ZNF365: variants seen among roughly 807,000 people sequenced by gnomAD.
ZNF365 encodes zinc finger protein 365, also known as protein ZNF365.
In ZNF365, 22 loss-of-function variants were observed where a neutral mutation model predicts 35.0. The ratio of observed to expected loss-of-function variants is 0.63; its 90% CI spans 0.45 to 0.90. The LOEUF (loss-of-function observed/expected upper bound fraction) is 0.90, where lower values mean the gene tolerates loss of function less well. Ranked by LOEUF, ZNF365 falls within the 40% of genes least tolerant of loss-of-function variation. The pLI, the probability that ZNF365 is intolerant of heterozygous loss-of-function variation, is 0.00. For synonymous variants in ZNF365, 188 were observed against 196.2 expected (o/e 0.96, Z 0.35); for missense variants, 448 against 500.3 (o/e 0.90, Z 1.00).
chr10:62,401,125 T>TA lies in ZNF365; in HGVS notation c.*1337dup. ...AAACAGGAATAATTTTGTCCACAAA[T>TA]ATATACATATATACATATATATAAC... is the stretch of plus-strand genomic sequence containing the variant. On this transcript the variant is annotated 3_prime_UTR_variant, in exon 5 of 5. Transcript: ENST00000395254. 1.0e-6 allele frequency: 1 copy of TA among 963,758 alleles called. No individual in the cohort carries two copies. The highest frequency in any genetic ancestry group is 1.2e-6 in the Non-Finnish European group (1 of 810,384). 59.7% of individuals were successfully genotyped at this position (963,758 alleles called of 1,614,324 possible).
intron 3 of ZNF365, among the ~76,000 whole-genome samples, chr10:62,432,061 G>A (rs894979606): frequency 1.3e-5 from 2 of 152,076 alleles, no homozygotes; most frequent in African/African-American, 2.4e-5. Context: ...ATAAAGTGTT[G>A]GAAGATGTTT....
intron 2 of ZNF365, among the ~76,000 whole-genome samples, chr10:62,381,504 A>C (rs1456111505): frequency 2.0e-5 from 3 of 151,822 alleles, no homozygotes; most frequent in Non-Finnish European, 4.4e-5. Flanking sequence ...TTTTTCCCCC[A>C]AAGCGTCAAG....
At chr10:62,412,102 T>C (rs945251477) in intron 3 of ZNF365, among the ~76,000 whole-genome samples, 1 of 152,144 alleles carries the variant, frequency 6.6e-6, no homozygotes, top group Non-Finnish European at 1.5e-5. Context: ...TCAAATTGGC[T>C]TCTTCCCTGG....
chr10:62,432,748 G>C (rs1840353245), intron 3 of ZNF365, among the ~76,000 whole-genome samples: 1 of 151,984 alleles, frequency 6.6e-6, no homozygotes, highest in South Asian at 2.1e-4. Flanking sequence ...ACAGAAGACG[G>C]GCAATTTTGC....
chr10:62,429,773 A>G (rs1001693532), intron 3 of ZNF365, among the ~76,000 whole-genome samples: 2 of 152,148 alleles, frequency 1.3e-5, no homozygotes, highest in African/African-American at 4.8e-5. Context: ...TCTTTTGCCC[A>G]TCAAAAACTA....
intron 4 of ZNF365, among the ~76,000 whole-genome samples, chr10:62,399,157 A>G (rs1360055056): frequency 6.6e-6 from 1 of 152,202 alleles, no homozygotes; most frequent in Non-Finnish European, 1.5e-5. Context: ...ACATCTATGC[A>G]GTGAATTTGT....
chr10:62,430,121 A>G (rs1020782573), intron 3 of ZNF365, among the ~76,000 whole-genome samples: 2 of 152,298 alleles, frequency 1.3e-5, no homozygotes, highest in African/African-American at 4.8e-5. Flanking sequence ...TTTGAAGAAC[A>G]TCCTTGTACC....
chr10:62,421,794 T>C (rs10733776), intron 3 of ZNF365, among the ~76,000 whole-genome samples: 93,255 of 151,822 alleles, frequency 0.61, 29,325 homozygotes, highest in East Asian at 0.84. Flanking sequence ...AGCATTAACT[T>C]ATCTGTTTGC....
intron 3 of ZNF365, among the ~76,000 whole-genome samples, chr10:62,394,010 AC>A (rs1839680206): frequency 6.6e-6 from 1 of 152,222 alleles, no homozygotes; most frequent in Non-Finnish European, 1.5e-5. Context: ...ACATTATGAC[AC>A]AGTCTGCAGA....
In ZNF365 at chr10:62,389,440, T is replaced by TTG. The variant is rs1839587137; in HGVS notation, c.924+865_924+866insGT. 1.2e-4 allele frequency among the ~76,000 whole-genome samples: 4 copies of TTG among 32,226 alleles called. No homozygotes were observed. The South Asian group carries it at 6.5e-3, about 53-fold the overall frequency. The allele number at this position is 32,226 out of a possible 152,430, so 21.1% of individuals were successfully genotyped here. Reference sequence around the variant, plus strand: ...CCTAGCAGATTTAAAAATAGTTTTGTTTTTTTTTTTACTGCTTCCACCCCC... The same window carrying TTG: ...CCTAGCAGATTTAAAAATAGTTTTGTTGTTTTTTTTTTACTGCTTCCACCCCC... On this transcript the variant is annotated intron_variant, in intron 3 of 4. Coordinates refer to ENST00000395254, the MANE Select transcript of ZNF365 (RefSeq NM_014951.3).
intron 4 of ZNF365, 61 bp downstream of exon 4, chr10:62,398,838 T>G (rs542456503): frequency 8.0e-6 from 12 of 1,490,714 alleles, no homozygotes; most frequent in African/African-American, 1.4e-5. Context: ...GTTTTCCTGT[T>G]GCATTTTATA....
chr10:62,374,471 C>G lies in ZNF365; in HGVS notation c.-14+13C>G, dbSNP rs1029687589. On this transcript the variant is annotated intron_variant, in intron 1 of 4. Transcript: ENST00000395254. ...AGCAACAAGTCGGGTAAGAGGCGGC[C>G]GCCGGCCATCTGCGCCCGCGGCTCG... 6.6e-6 allele frequency: 1 copy of G among 152,412 alleles called. No homozygotes were observed. 9.4% of individuals were successfully genotyped at this position (152,412 alleles called of 1,614,324 possible).
chr10:62,400,784 G>C lies in ZNF365; in HGVS notation c.*995G>C. On this transcript the variant is annotated 3_prime_UTR_variant, in exon 5 of 5. Transcript: ENST00000395254. ...CTTCGCTGGCTTAACTTTTCCACTG[G>C]GTGGTTCACTTTGCCTCCTGCTGCT... The C allele has an allele frequency of 1.0e-6, 1 of 982,808 alleles. No individual in the cohort carries two copies. Among genetic ancestry groups the C allele is most frequent in the Non-Finnish European group, 1.2e-6 (1 of 829,642 alleles). The allele number at this position is 982,808 out of a possible 1,614,324, so 60.9% of individuals were successfully genotyped here.
intron 4 of ZNF365, among the ~76,000 whole-genome samples, chr10:62,474,219 C>T (rs1841090974): frequency 6.6e-6 from 1 of 152,206 alleles, no homozygotes; most frequent in Non-Finnish European, 1.5e-5. Flanking sequence ...GCTGGGGCCA[C>T]CTTCCATGAA....
chr10:62,386,383 T>C (rs780293868), intron 2 of ZNF365, among the ~76,000 whole-genome samples: 4 of 152,206 alleles, frequency 2.6e-5, no homozygotes, highest in Non-Finnish European at 5.9e-5. Context: ...AGGACTCTTA[T>C]TTCTTGTGTG....
intron 3 of ZNF365, among the ~76,000 whole-genome samples, chr10:62,412,164 A>C (rs773849108): frequency 6.6e-6 from 1 of 152,164 alleles, no homozygotes; most frequent in African/African-American, 2.4e-5. Context: ...TTCATTACAT[A>C]GGCAGAACTA....
At chr10:62,412,193 T>C (rs1839995797) in intron 3 of ZNF365, among the ~76,000 whole-genome samples, 1 of 152,114 alleles carries the variant, frequency 6.6e-6, no homozygotes, top group African/African-American at 2.4e-5. Context: ...TAACACAAGA[T>C]TATCTCAATA....
intron 4 of ZNF365, among the ~76,000 whole-genome samples, chr10:62,476,091 T>C (rs929210569): frequency 2.0e-5 from 3 of 152,112 alleles, no homozygotes; most frequent in African/African-American, 7.2e-5. Flanking sequence ...ATGTCTATTT[T>C]TTTGTGGGGA....
intron 2 of ZNF365, among the ~76,000 whole-genome samples, chr10:62,382,080 G>A (rs371515457): frequency 2.6e-5 from 4 of 152,322 alleles, no homozygotes; most frequent in East Asian, 1.9e-4. Flanking sequence ...AGACATAGAG[G>A]GGGTGGCCTG....
Sources: gnomAD v4.1 joint callset for allele counts (sites outside exome capture counted in the v4.1 genomes callset) on GRCh38, gnomAD v4.1.1 for gene constraint, MANE v1.5 for transcripts, NCBI Gene and HGNC (gene_info 2026-07-23, HGNC 2026-07-21) for gene names.